NELL1: variants seen among roughly 807,000 people sequenced by gnomAD.
NELL1 encodes the protein neural EGFL like 1, also known as protein kinase C-binding protein NELL1.
NELL1 carries 76 observed loss-of-function variants against 107.4 expected under a neutral mutation model. The ratio of observed to expected loss-of-function variants is 0.71; its 90% CI spans 0.59 to 0.86. The LOEUF is 0.86. Among genes scored for constraint, NELL1 ranks in the 40% least tolerant of loss-of-function variants. NELL1 has a pLI of 0.00. For missense variants in NELL1, 1,024 were observed against 1,005.5 expected (o/e 1.02, Z -0.25); for synonymous variants, 353 against 341.2 (o/e 1.03, Z -0.38).
intron 2 of NELL1, among the ~76,000 whole-genome samples, chr11:20,682,261 T>G (rs548409097): frequency 2.9e-4 from 44 of 152,114 alleles, no homozygotes; most frequent in African/African-American, 1.0e-3. Flanking sequence ...TTGTAACATC[T>G]GTAAGAGCCA....
chr11:21,370,808 C>G (rs760812100), intron 14 of NELL1, 45 bp from the exon 15 acceptor site: 2 of 1,473,176 alleles, frequency 1.4e-6, no homozygotes, highest in South Asian at 1.2e-5. Context: ...GTGAATTTAT[C>G]TATTGCATTT....
At chr11:21,227,445 A>G (rs1857924006) in intron 13 of NELL1, among the ~76,000 whole-genome samples, 1 of 152,196 alleles carries the variant, frequency 6.6e-6, no homozygotes. Context: ...TCAGGCTAGC[A>G]AAGACCATTA....
intron 15 of NELL1, among the ~76,000 whole-genome samples, chr11:21,532,891 T>C (rs1856028644): frequency 6.6e-6 from 1 of 152,176 alleles, no homozygotes; most frequent in Admixed American, 6.5e-5. Context: ...GTTTTAAAGT[T>C]TTTAGTGATC....
At chr11:21,118,291 T>C (rs945868734) in intron 13 of NELL1, among the ~76,000 whole-genome samples, 2 of 151,996 alleles carry the variant, frequency 1.3e-5, no homozygotes, top group Non-Finnish European at 2.9e-5. Flanking sequence ...GGATTTACAA[T>C]GGGGAATATG....
At chr11:20,998,664 A>G (rs957648016) in intron 12 of NELL1, among the ~76,000 whole-genome samples, 2 of 152,230 alleles carry the variant, frequency 1.3e-5, no homozygotes, top group African/African-American at 2.4e-5. Flanking sequence ...GGCTTGGTCA[A>G]TAATGTTGAC....
chr11:20,697,075 T>G (rs1854637802), intron 2 of NELL1, among the ~76,000 whole-genome samples: 1 of 152,274 alleles, frequency 6.6e-6, no homozygotes, highest in Non-Finnish European at 1.5e-5. Flanking sequence ...TAGGCCAAAC[T>G]TACAAGGAGG....
In NELL1 at chr11:21,304,500, C is replaced by T. The variant is rs533112977; in HGVS notation, c.1550-66353C>T. 4.0e-5 allele frequency among the ~76,000 whole-genome samples: 6 copies of T among 151,700 alleles called. No individual in the cohort carries two copies. The South Asian group carries it at 1.0e-3, about 26-fold the overall frequency. On this transcript the variant is annotated intron_variant, in intron 14 of 19. Coordinates refer to ENST00000357134, the MANE Select transcript of NELL1 (RefSeq NM_006157.5). ...AAGGATTGGAATAGTGTTCAGGACA[C>T]TTGAGTTCCAGTCCTTAGGGCTGAA...
intron 14 of NELL1, among the ~76,000 whole-genome samples, chr11:21,340,435 A>G (rs1036515979): frequency 2.0e-5 from 3 of 152,172 alleles, no homozygotes; most frequent in African/African-American, 7.2e-5. Context: ...TACAGGCGTG[A>G]GCCACCGCGC....
chr11:21,005,913 T>G (rs2134279805), intron 12 of NELL1, among the ~76,000 whole-genome samples: 1 of 152,252 alleles, frequency 6.6e-6, no homozygotes, highest in African/African-American at 2.4e-5. Context: ...GGCTTTGGAC[T>G]TAGACCAACT....
intron 2 of NELL1, among the ~76,000 whole-genome samples, chr11:20,742,147 C>T (rs1185166542): frequency 6.6e-6 from 1 of 152,164 alleles, no homozygotes; most frequent in East Asian, 1.9e-4. Context: ...AGAAGGGCTT[C>T]TTTTTCCAAG....
chr11:21,426,348 A>G (rs1209141259), intron 15 of NELL1, among the ~76,000 whole-genome samples: 1 of 152,232 alleles, frequency 6.6e-6, no homozygotes, highest in Non-Finnish European at 1.5e-5. Flanking sequence ...TACTTGACAT[A>G]CAATATATAG....
chr11:21,441,457 G>A (rs1262153407), intron 15 of NELL1, among the ~76,000 whole-genome samples: 1 of 151,568 alleles, frequency 6.6e-6, no homozygotes, highest in Non-Finnish European at 1.5e-5. Flanking sequence ...GTTCTATTGT[G>A]TAGGGATCAT....
chr11:21,148,457 T>C (rs1856036862), intron 13 of NELL1, among the ~76,000 whole-genome samples: 1 of 152,170 alleles, frequency 6.6e-6, no homozygotes, highest in Non-Finnish European at 1.5e-5. Context: ...AGGTGATAGA[T>C]TCATGGAAGG....
chr11:21,225,017 G>A (rs1053225139), intron 13 of NELL1, among the ~76,000 whole-genome samples: 1 of 152,072 alleles, frequency 6.6e-6, no homozygotes. Flanking sequence ...TTGCTGTGCT[G>A]AATTGCCTGT....
At chr11:20,764,412 A>G (rs1231590086) in intron 2 of NELL1, among the ~76,000 whole-genome samples, 1 of 152,058 alleles carries the variant, frequency 6.6e-6, no homozygotes, top group African/African-American at 2.4e-5. Flanking sequence ...GGGTTGGGTG[A>G]GTAACACTGG....
chr11:21,385,123 C>T (rs979520532), intron 15 of NELL1, among the ~76,000 whole-genome samples: 1 of 151,848 alleles, frequency 6.6e-6, no homozygotes, highest in East Asian at 1.9e-4. Context: ...TTTCCTCCTT[C>T]CCATTGCTGT....
chr11:20,970,593 G>C (rs2003174), intron 12 of NELL1, among the ~76,000 whole-genome samples: 18,754 of 152,098 alleles, frequency 0.12, 1,367 homozygotes, highest in East Asian at 0.25. Context: ...ACATTTGAAC[G>C]GAGTTCTTAA....
chr11:21,095,447 T>C (rs1285490333), intron 12 of NELL1, among the ~76,000 whole-genome samples: 1 of 152,206 alleles, frequency 6.6e-6, no homozygotes, highest in Non-Finnish European at 1.5e-5. Context: ...TGCCCCACTC[T>C]ACTGGTACCA....
At chr11:21,353,713 G>A (rs561841410) in intron 14 of NELL1, among the ~76,000 whole-genome samples, 1 of 152,202 alleles carries the variant, frequency 6.6e-6, no homozygotes, top group Non-Finnish European at 1.5e-5. Context: ...AAGAAAGGTC[G>A]AATATATGCT....
Sources: gnomAD v4.1 joint callset for allele counts (sites outside exome capture counted in the v4.1 genomes callset) on GRCh38, gnomAD v4.1.1 for gene constraint, MANE v1.5 for transcripts, NCBI Gene and HGNC (gene_info 2026-07-23, HGNC 2026-07-21) for gene names.